Variants in DOCK2 observed in about 807,000 individuals in gnomAD.
DOCK2 encodes the protein dedicator of cytokinesis protein 2.
Under a neutral mutation model 248.9 loss-of-function variants are expected in DOCK2, and 87 were observed. The observed-to-expected ratio is 0.35, with a 90% CI of 0.29 to 0.42. The LOEUF is 0.42. Ranked by LOEUF, DOCK2 falls within the 10% of genes least tolerant of loss-of-function variation. The pLI is 1.00. For synonymous variants in DOCK2, 805 were observed against 821.6 expected, an observed-to-expected ratio of 0.98 and a Z score of 0.35; for missense variants, 1,747 against 2,300.2, an observed-to-expected ratio of 0.76 and a Z score of 4.92.
At chr5:170,000,653 C>A (rs1227806879) in intron 30 of DOCK2, among the ~76,000 whole-genome samples, 1 of 152,086 alleles carries the variant, frequency 6.6e-6, no homozygotes, top group African/African-American at 2.4e-5. Context: ...GCCCTGGAAT[C>A]AGAGATTATA....
intron 27 of DOCK2, among the ~76,000 whole-genome samples, chr5:169,872,259 A>G (rs1396117371): frequency 2.0e-5 from 3 of 152,190 alleles, no homozygotes; most frequent in African/African-American, 7.2e-5. Context: ...GTAAGAATCA[A>G]TGGATGCAGC....
At chr5:169,932,638 T>C (rs1775808986) in intron 27 of DOCK2, among the ~76,000 whole-genome samples, 1 of 152,226 alleles carries the variant, frequency 6.6e-6, no homozygotes. Context: ...TTGTTTTAAG[T>C]AATCCAAACC....
At chr5:170,057,758 AC>A in intron 44 of DOCK2, 92 bp downstream of exon 44, 2 of 1,179,930 alleles carry the variant, frequency 1.7e-6, no homozygotes, top group Non-Finnish European at 2.3e-6. Context: ...TAAAAAGGAG[AC>A]ATGTTTTTCT....
chr5:169,825,258 T>C (rs1581246979), intron 26 of DOCK2, among the ~76,000 whole-genome samples: 1 of 152,306 alleles, frequency 6.6e-6, no homozygotes, highest in African/African-American at 2.4e-5. Flanking sequence ...GACCCAGCCA[T>C]CCCATTACTG....
At chr5:169,875,699 A>C (rs1772288915) in intron 27 of DOCK2, 1 of 167,828 alleles carries the variant, frequency 6.0e-6, no homozygotes, top group Admixed American at 6.0e-5. Context: ...CATCATTGTG[A>C]GGATTAAGTG....
At chr5:169,915,771 A>T (rs1774842949) in intron 27 of DOCK2, among the ~76,000 whole-genome samples, 1 of 152,190 alleles carries the variant, frequency 6.6e-6, no homozygotes, top group African/African-American at 2.4e-5. Flanking sequence ...TGTTTTACTG[A>T]AGAGTCTACA....
intron 27 of DOCK2, among the ~76,000 whole-genome samples, chr5:169,881,671 C>T (rs1389271528): frequency 6.6e-6 from 1 of 152,114 alleles, no homozygotes; most frequent in African/African-American, 2.4e-5. Flanking sequence ...TTCATGCTGA[C>T]AACAATCCTG....
chr5:169,686,919 A>G (rs1044487104), intron 8 of DOCK2, among the ~76,000 whole-genome samples: 12 of 152,284 alleles, frequency 7.9e-5, no homozygotes, highest in African/African-American at 2.9e-4. Flanking sequence ...GAGTTGGAAT[A>G]GTACTCCTCG....
At chr5:170,007,615 A>G (rs969285734) in intron 30 of DOCK2, among the ~76,000 whole-genome samples, 2 of 152,128 alleles carry the variant, frequency 1.3e-5, no homozygotes. Context: ...GACCTATAAT[A>G]TCTCTGGTTC....
chr5:169,956,991 G>T (rs1776894252), intron 27 of DOCK2, among the ~76,000 whole-genome samples: 1 of 151,892 alleles, frequency 6.6e-6, no homozygotes. Flanking sequence ...AAAACCACAG[G>T]AGCAATACAA....
chr5:170,033,832 A>G (rs1208923748), intron 34 of DOCK2, among the ~76,000 whole-genome samples: 1 of 152,244 alleles, frequency 6.6e-6, no homozygotes, highest in East Asian at 1.9e-4. Flanking sequence ...TATATTTTAT[A>G]GAGCTTTTCA....
intron 27 of DOCK2, among the ~76,000 whole-genome samples, chr5:169,909,426 T>TA (rs964894393): frequency 2.6e-5 from 4 of 152,204 alleles, no homozygotes; most frequent in East Asian, 1.9e-4. Flanking sequence ...GCAATGAATT[T>TA]AAAAAAATCT....
At position 169,814,924 on chromosome 5, in the gene DOCK2, T is replaced by C. The variant is rs545865005; in HGVS notation, c.2703+11718T>C. On this transcript the variant is annotated intron_variant, in intron 26 of 51. Coordinates refer to ENST00000520908, the MANE Select transcript of DOCK2 (RefSeq NM_004946.3). Reference sequence around the variant, plus strand: ...AGGTTCCATTTGCAAAATTCCTAACTGTCTCAACCAATCAGAAGGCCAATG... The same window carrying C: ...AGGTTCCATTTGCAAAATTCCTAACCGTCTCAACCAATCAGAAGGCCAATG... Among the ~76,000 whole-genome samples, 4 of 152,292 alleles carry C rather than the reference T, an allele frequency of 2.6e-5. No individual in the cohort carries two copies. The East Asian group carries it at 5.8e-4, about 22-fold the overall frequency.
chr5:169,973,045 A>G (rs961062891), intron 27 of DOCK2, among the ~76,000 whole-genome samples: 2 of 152,204 alleles, frequency 1.3e-5, no homozygotes, highest in African/African-American at 2.4e-5. Context: ...AGTTTAATAC[A>G]TGATGTGAGA....
At chr5:170,045,386 T>C (rs1449024221) in intron 38 of DOCK2, among the ~76,000 whole-genome samples, 2 of 152,022 alleles carry the variant, frequency 1.3e-5, no homozygotes, top group Non-Finnish European at 2.9e-5. Flanking sequence ...CACGAGCACG[T>C]GGGAGGCAGG....
chr5:169,795,942 A>G (rs895599518), intron 25 of DOCK2, among the ~76,000 whole-genome samples: 13 of 152,126 alleles, frequency 8.5e-5, no homozygotes, highest in African/African-American at 2.7e-4. Context: ...TTCGACTTTC[A>G]GTCAATAGGA....
chr5:169,824,742 G>A (rs1043600019), intron 26 of DOCK2, among the ~76,000 whole-genome samples: 10 of 152,168 alleles, frequency 6.6e-5, no homozygotes, highest in Non-Finnish European at 1.2e-4. Flanking sequence ...AACACCAAAA[G>A]CAATGGCAAC....
chr5:169,698,545 G>A, intron 11 of DOCK2, 96 bp downstream of exon 11: 1 of 1,377,908 alleles, frequency 7.3e-7, no homozygotes, highest in Non-Finnish European at 1.0e-6. Flanking sequence ...CTGAGTTAGT[G>A]ATAGGCAGGT....
intron 26 of DOCK2, among the ~76,000 whole-genome samples, chr5:169,831,271 C>G (rs1225086307): frequency 6.6e-6 from 1 of 151,700 alleles, no homozygotes; most frequent in Non-Finnish European, 1.5e-5. Flanking sequence ...TTTTTCTGAA[C>G]ATATTTAGGA....
Sources: allele counts gnomAD v4.1 joint callset (sites outside exome capture counted in the v4.1 genomes callset), GRCh38; gene constraint gnomAD v4.1.1; transcripts MANE v1.5; gene names NCBI Gene and HGNC (gene_info 2026-07-23, HGNC 2026-07-21).